Variants in SCG3 observed in about 807,000 individuals in gnomAD.
SCG3 encodes secretogranin-3.
In SCG3, 38 loss-of-function variants were observed where a neutral mutation model predicts 56.2. The ratio of observed to expected loss-of-function variants is 0.68; its 90% CI spans 0.52 to 0.89. The LOEUF is 0.89. Ranked by LOEUF, SCG3 falls within the 40% of genes least tolerant of loss-of-function variation. The pLI is 0.00. For synonymous variants in SCG3, 176 were observed against 184.2 expected (o/e 0.96, Z 0.36); for missense variants, 524 against 540.7 (o/e 0.97, Z 0.31).
intron 11 of SCG3, 146 bp from the exon 12 acceptor site, chr15:51,719,262 G>C: frequency 1.6e-6 from 1 of 633,168 alleles, no homozygotes; most frequent in Non-Finnish European, 2.8e-6. Flanking sequence ...CTACACAAAT[G>C]CCAAGAATTA....
At chr15:51,690,401 T>C (rs1423441165) in intron 6 of SCG3, among the ~76,000 whole-genome samples, 2 of 152,180 alleles carry the variant, frequency 1.3e-5, no homozygotes, top group African/African-American at 4.8e-5. Context: ...TTGATTTTCC[T>C]CTGTAAAGCA....
In SCG3 at chr15:51,681,782, G is replaced by C; in HGVS notation, c.27G>C (p.Trp9Cys). The C allele has an allele frequency of 6.2e-7, 1 of 1,614,166 alleles. No individual in the cohort carries two copies. Among genetic ancestry groups the C allele is most frequent in the Non-Finnish European group, 8.5e-7 (1 of 1,180,022 alleles). MGFLGTGT[W>C]ILVLVLPIQA... Reference sequence around the variant, plus strand: ...TGGGGTTCCTCGGGACCGGCACTTGGATTCTGGTGTTAGTGCTCCCGATTC... The same window carrying C: ...TGGGGTTCCTCGGGACCGGCACTTGCATTCTGGTGTTAGTGCTCCCGATTC... Residue 9 changes from tryptophan to cysteine, a missense_variant, in exon 1 of 12, where the codon TGG becomes TGC. By Grantham distance (215) the Trp-to-Cys change is radical. Transcript: ENST00000220478.
chr15:51,689,062 C>G (rs993970428), intron 5 of SCG3, among the ~76,000 whole-genome samples, 157 bp from the exon 6 acceptor site: 6 of 152,168 alleles, frequency 3.9e-5, no homozygotes, highest in African/African-American at 1.4e-4. Flanking sequence ...CTATAACAGC[C>G]AGCATGTGGT....
intron 4 of SCG3, 47 bp from the exon 5 acceptor site, chr15:51,688,213 A>T: frequency 1.3e-6 from 2 of 1,558,076 alleles, no homozygotes; most frequent in Non-Finnish European, 1.8e-6. Flanking sequence ...GATGCATGAA[A>T]TAGATCTATG....
At chr15:51,699,171 T>A (rs2055323442) in intron 8 of SCG3, 148 bp from the exon 9 acceptor site, 3 of 637,654 alleles carry the variant, frequency 4.7e-6, no homozygotes, top group Non-Finnish European at 8.3e-6. Context: ...TTCTTAGAAA[T>A]AAAATCCAGG....
intron 4 of SCG3, among the ~76,000 whole-genome samples, chr15:51,684,291 TC>T (rs1221045696): frequency 6.6e-6 from 1 of 152,230 alleles, no homozygotes; most frequent in East Asian, 1.9e-4. Context: ...TCTACAGTTC[TC>T]CCAGCAACCA....
At chr15:51,709,887 A>ATTTT (rs67775073) in intron 10 of SCG3, among the ~76,000 whole-genome samples, 2 of 84,812 alleles carry the variant, frequency 2.4e-5, no homozygotes, top group East Asian at 3.4e-4. Context: ...CGCCCGGCTA[A>ATTTT]TTTTTTTTTT....
chr15:51,697,109 T>C (rs1242320218), intron 8 of SCG3, among the ~76,000 whole-genome samples: 15 of 151,046 alleles, frequency 9.9e-5, no homozygotes. Context: ...AACATTTTGG[T>C]TTATATTCTT....
chr15:51,716,281 A>G (rs1271339324), intron 11 of SCG3, among the ~76,000 whole-genome samples: 1 of 152,240 alleles, frequency 6.6e-6, no homozygotes, highest in Non-Finnish European at 1.5e-5. Context: ...CCAGGAATAA[A>G]CAAGAAGTGC....
chr15:51,709,723 T>TA (rs2055406264), intron 10 of SCG3, among the ~76,000 whole-genome samples: 3 of 66,510 alleles, frequency 4.5e-5, no homozygotes, highest in Non-Finnish European at 5.9e-5. Context: ...TTTTTTTTTT[T>TA]TTTTTTTTTT....
intron 6 of SCG3, 38 bp downstream of exon 6, chr15:51,689,406 TG>T: frequency 1.4e-6 from 2 of 1,422,626 alleles, no homozygotes; most frequent in Non-Finnish European, 1.9e-6. Context: ...TGGGGGTGTG[TG>T]TGTGTGTGTG....
intron 7 of SCG3, among the ~76,000 whole-genome samples, chr15:51,694,270 G>C (rs1413377216): frequency 6.6e-6 from 1 of 152,170 alleles, no homozygotes; most frequent in Non-Finnish European, 1.5e-5. Context: ...GATAAACACA[G>C]GGCTGCAGAA....
intron 10 of SCG3, among the ~76,000 whole-genome samples, chr15:51,709,731 T>TA (rs2055407027): frequency 5.1e-5 from 4 of 78,562 alleles, no homozygotes; most frequent in Non-Finnish European, 9.9e-5. Context: ...TTTTTTTTTT[T>TA]TTTTTTTGAG....
Position 51,689,377 on chromosome 15 carries a change from G to T in SCG3, c.690+9G>T. On this transcript the variant is annotated intron_variant, in intron 6 of 11. Transcript: ENST00000220478. Reference sequence around the variant, plus strand: ...AAATACCAGAGAAAGTGGTATGTATGTGTATATATGCATATGCATGGGGGT... The same window carrying T: ...AAATACCAGAGAAAGTGGTATGTATTTGTATATATGCATATGCATGGGGGT... 6.2e-7 allele frequency: 1 copy of T among 1,604,020 alleles called. No homozygotes were observed. Among genetic ancestry groups the T allele is most frequent in the Admixed American group, 1.7e-5 (1 of 59,344 alleles).
Position 51,692,194 on chromosome 15 carries a change from G to C in SCG3, c.726G>C (p.Lys242Asn), listed in dbSNP as rs753979362. 4 of 1,613,292 alleles carry C rather than the reference G, an allele frequency of 2.5e-6. No homozygotes were observed. The highest frequency in any genetic ancestry group is 2.7e-5 in the African/African-American group (2 of 74,914). Residue 242 changes from lysine to asparagine, a missense_variant, in exon 7 of 12, where the codon AAG (lysine) becomes AAC (asparagine). Transcript: ENST00000220478. ...CAGCAATTCAAGATGGTCTTGCTAA[G>C]GGAGAAAACGATGAAACAGTATCTA... ...PMAAIQDGLA[K>N]GENDETVSNT...
At chr15:51,700,780 A>G (rs1388663119) in intron 9 of SCG3, among the ~76,000 whole-genome samples, 1 of 150,932 alleles carries the variant, frequency 6.6e-6, no homozygotes, top group Non-Finnish European at 1.5e-5. Context: ...TAAGACAAAG[A>G]ATATGCCCTC....
intron 6 of SCG3, 81 bp from the exon 7 acceptor site, chr15:51,692,078 C>A: frequency 7.5e-7 from 1 of 1,326,930 alleles, no homozygotes; most frequent in Non-Finnish European, 1.0e-6. Context: ...CATTTAAGGG[C>A]ATCACAAAGG....
chr15:51,682,537 G>T lies in SCG3; in HGVS notation c.103G>T (p.Glu35Ter). ...TCTAGACAAATCTCTACATAATAGA[G>T]AATTAAGTGCAGAAAGACCTTTGAA... The part of the protein sequence containing the change: ...GSQDKSLHNR[E>*]LSAERPLNEQ... The change falls in exon 2 of 12, where the codon GAA (glutamate) becomes TAA (stop). Residue 35 changes from glutamate (E) to a stop codon, truncating the protein, a stop_gained. Coordinates refer to ENST00000220478, the MANE Select transcript of SCG3 (RefSeq NM_013243.4). LOFTEE classifies it high-confidence loss of function. The T allele has an allele frequency of 6.9e-7, 1 of 1,454,652 alleles. No individual in the cohort carries two copies. The highest frequency in any genetic ancestry group is 9.2e-7 in the Non-Finnish European group (1 of 1,086,294). 90.1% of individuals were successfully genotyped at this position (1,454,652 alleles called of 1,614,324 possible). A position where few individuals can be genotyped will look rare whatever the true frequency, so the allele number is the denominator to read the frequency against.
intron 7 of SCG3, among the ~76,000 whole-genome samples, chr15:51,692,949 A>G (rs1293974641): frequency 1.3e-5 from 2 of 152,080 alleles, no homozygotes; most frequent in Non-Finnish European, 2.9e-5. Context: ...ACAGTACAGT[A>G]TTGTTAACTA....
Sources: gnomAD v4.1 joint callset for allele counts (sites outside exome capture counted in the v4.1 genomes callset) on GRCh38, gnomAD v4.1.1 for gene constraint, MANE v1.5 for transcripts, NCBI Gene and HGNC (gene_info 2026-07-23, HGNC 2026-07-21) for gene names.